Variants in DPEP1 observed in about 807,000 individuals in gnomAD.
DPEP1 encodes the protein beta-lactamase.
A neutral mutation model predicts 42.3 loss-of-function variants in DPEP1; 50 were observed. The observed-to-expected ratio is 1.18, with a 90% CI of 0.94 to 1.50. DPEP1 has a LOEUF of 1.50. Ranked by LOEUF, DPEP1 falls within the 40% of genes most tolerant of loss-of-function variation. The pLI is 0.00. For missense variants in DPEP1, 663 were observed against 553.0 expected (o/e 1.20, Z -1.99); for synonymous variants, 297 against 234.0 (o/e 1.27, Z -2.46).
intron 1 of DPEP1, among the ~76,000 whole-genome samples, chr16:89,617,616 G>T (rs1296628863): frequency 5.9e-5 from 9 of 152,108 alleles, no homozygotes; most frequent in African/African-American, 1.7e-4. Context: ...GGGAGGCCGG[G>T]CGCGGCGGCT....
chr16:89,636,296 G>T lies in DPEP1; in HGVS notation c.270G>T (p.Gln90His). 1 of 1,611,696 alleles carries T rather than the reference G, an allele frequency of 6.2e-7. No individual in the cohort carries two copies. Among genetic ancestry groups the T allele is most frequent in the Non-Finnish European group, 8.5e-7 (1 of 1,179,616 alleles). The change falls in exon 4 of 11, where the codon CAG (glutamine) becomes CAT (histidine). Residue 90 changes from glutamine to histidine, a missense_variant. Physicochemically the swap from Gln to His is conservative, Grantham distance 24. Coordinates refer to ENST00000690203, the MANE Select transcript of DPEP1 (RefSeq NM_001389466.1). The stretch of plus-strand genomic sequence containing the variant: ...CCGTGTACACGCCCTGCGACACCCA[G>T]AACAAAGACGCCGTGCGGAGGACGC... ...FWSVYTPCDT[Q>H]NKDAVRRTLE...
Position 89,638,153 on chromosome 16 carries a change from C to A in DPEP1, c.1167C>A (p.Ser389Arg), listed in dbSNP as rs1269336768. The A allele has an allele frequency of 6.2e-7, 1 of 1,609,978 alleles. No individual in the cohort carries two copies. The highest frequency in any genetic ancestry group is 8.5e-7 in the Non-Finnish European group (1 of 1,178,186). ...THYGYSSGAS[S>R]LHRHWGLLLA... Reference sequence around the variant, plus strand: ...ACGGCTACTCCTCTGGGGCTTCCAGCCTCCATCGCCACTGGGGGCTCCTGC... The same window carrying A: ...ACGGCTACTCCTCTGGGGCTTCCAGACTCCATCGCCACTGGGGGCTCCTGC... The change falls in exon 11 of 11, where the codon AGC becomes AGA. Residue 389 changes from serine to arginine, a missense_variant. By Grantham distance (110) the Ser-to-Arg change is moderately radical. Transcript: ENST00000690203.
At chr16:89,616,440 A>AG (rs2059379776) in intron 1 of DPEP1, among the ~76,000 whole-genome samples, 1 of 152,048 alleles carries the variant, frequency 6.6e-6, no homozygotes, top group Admixed American at 6.5e-5. Context: ...CTGTGCCGGG[A>AG]GGGGTCCTTG....
Position 89,622,652 on chromosome 16 carries a change from C to T in DPEP1, c.-106-7653C>T, listed in dbSNP as rs565694350. ...TACAAAAATTAGTCGGGCGTGGTGG[C>T]GGGCACCTGTAGTCCCAGCTACTTG... is the stretch of plus-strand genomic sequence containing the variant. On this transcript the variant is annotated intron_variant, in intron 1 of 10. Coordinates refer to ENST00000690203, the MANE Select transcript of DPEP1 (RefSeq NM_001389466.1). Among the ~76,000 whole-genome samples the T allele has an allele frequency of 1.5e-4, 23 of 151,938 alleles. No homozygotes were observed. The South Asian group carries it at 3.7e-3, about 25-fold the overall frequency.
chr16:89,639,643 C>T (rs147349053), downstream of DPEP1, among the ~76,000 whole-genome samples: 43 of 151,570 alleles, frequency 2.8e-4, 1 homozygote, highest in East Asian at 5.7e-3. Flanking sequence ...ATTCTGTAAA[C>T]ATGGCTAAGG....
rs189337024 is a variant in DPEP1, at chr16:89,623,750, G to C, written c.-106-6555G>C. On this transcript the variant is annotated intron_variant, in intron 1 of 10. Coordinates refer to ENST00000690203, the MANE Select transcript of DPEP1 (RefSeq NM_001389466.1). ...AGGAAGAAAGCCAGGACAGGAGGCA[G>C]AAAGGAAGCTCAGACAGTGCAACCC... 5.3e-5 allele frequency among the ~76,000 whole-genome samples: 8 copies of C among 152,254 alleles called. No homozygotes were observed. The East Asian group carries it at 1.5e-3, about 29-fold the overall frequency.
Position 89,636,538 on chromosome 16 carries a change from C to G in DPEP1, c.376C>G (p.Arg126Gly), listed in dbSNP as rs139374129. Residue 126 changes from arginine (R) to glycine (G), a missense_variant, in exon 5 of 11, where the codon CGG (arginine) becomes GGG (glycine). Transcript: ENST00000690203. ...CACCCTGACTCTCCCCGCAGGCATT[C>G]GGCAGGCCTTCCGGGAAGGGAAGGT... ...FLYVTSSAGI[R>G]QAFREGKVAS... The G allele has an allele frequency of 1.7e-5, 28 of 1,611,986 alleles. No individual in the cohort carries two copies. The highest frequency in any genetic ancestry group is 1.3e-4 in the South Asian group (12 of 91,038).
rs752293853 is a variant in DPEP1, at chr16:89,637,600, C to T, written c.854-32C>T. 2.9e-5 allele frequency: 47 copies of T among 1,612,714 alleles called. No homozygotes were observed. In the South Asian group the frequency reaches 3.8e-4, roughly 13 times the overall value. On this transcript the variant is annotated intron_variant, in intron 8 of 10. Transcript: ENST00000690203. ...AGGGGGCCGAAGGGGGAGGGCCTCA[C>T]TCGGGACCCATACCTGCTGCTCCCT... is the stretch of plus-strand genomic sequence containing the variant.
intron 1 of DPEP1, among the ~76,000 whole-genome samples, chr16:89,619,842 C>CCCCG (rs1555629204): frequency 5.3e-5 from 1 of 18,886 alleles, no homozygotes; most frequent in Non-Finnish European, 1.2e-4. Flanking sequence ...CCCTGCGTCC[C>CCCCG]CTCCCCTCTC....
At chr16:89,623,877 G>A (rs2059475113) in intron 1 of DPEP1, among the ~76,000 whole-genome samples, 1 of 152,106 alleles carries the variant, frequency 6.6e-6, no homozygotes, top group East Asian at 1.9e-4. Context: ...AACGCTCCAG[G>A]GAGTGAAAAA....
chr16:89,622,262 C>A (rs184075029), intron 1 of DPEP1, among the ~76,000 whole-genome samples: 137 of 152,212 alleles, frequency 9.0e-4, no homozygotes, highest in Non-Finnish European at 1.6e-3. Context: ...CTCACTATGG[C>A]CAGGGGAGGG....
rs879195013 is a variant in DPEP1, at chr16:89,635,922, C to T, written c.119C>T (p.Pro40Leu). 1.9e-6 allele frequency: 3 copies of T among 1,606,104 alleles called. No homozygotes were observed. The highest frequency in any genetic ancestry group is 2.2e-5 in the South Asian group (2 of 90,124). ...SPVIDGHNDL[P>L]WQLLDMFNNR... is the part of the protein sequence containing the mutation. ...GCAAACTCCAGGCACAATGACCTCCCCTGGCAGCTGCTGGATATGTTCAAC... is the reference window on the plus strand; with the variant it reads ...GCAAACTCCAGGCACAATGACCTCCTCTGGCAGCTGCTGGATATGTTCAAC... The change falls in exon 3 of 11, where the codon CCC (proline) becomes CTC (leucine). Residue 40 changes from proline to leucine, a missense_variant. Physicochemically the swap from Pro to Leu is moderately conservative, Grantham distance 98. Coordinates refer to ENST00000690203, the MANE Select transcript of DPEP1 (RefSeq NM_001389466.1).
chr16:89,615,825 G>A (rs991957516), intron 1 of DPEP1, among the ~76,000 whole-genome samples: 5 of 152,204 alleles, frequency 3.3e-5, no homozygotes, highest in Admixed American at 2.0e-4. Flanking sequence ...CTGGTGGGGT[G>A]TGAATTGGAG....
At chr16:89,631,054 C>T (rs1048814065) in intron 2 of DPEP1, among the ~76,000 whole-genome samples, 4 of 152,178 alleles carry the variant, frequency 2.6e-5, no homozygotes, top group African/African-American at 7.2e-5. Context: ...GGAGGCCCTG[C>T]GCCCCAATCT....
chr16:89,616,780 CAGGCAGGAAGT>C (rs2059382385), intron 1 of DPEP1: 2 of 271,494 alleles, frequency 7.4e-6, no homozygotes, highest in African/African-American at 4.7e-5. Context: ...GGCCAGGAAG[CAGGCAGGAAGT>C]GGGCAGGAAG....
intron 1 of DPEP1, chr16:89,617,010 C>G: frequency 4.9e-6 from 1 of 203,326 alleles, no homozygotes; most frequent in South Asian, 5.3e-5. Context: ...AGGTCCTGGG[C>G]AGGCCCTGGA....
intron 1 of DPEP1, among the ~76,000 whole-genome samples, chr16:89,624,517 T>C (rs1241505768): frequency 6.7e-6 from 1 of 149,404 alleles, no homozygotes; most frequent in Non-Finnish European, 1.5e-5. Context: ...GGGGCGCTGT[T>C]ACATAGTTTT....
At chr16:89,627,096 C>A (rs2059523687) in intron 1 of DPEP1, among the ~76,000 whole-genome samples, 1 of 148,878 alleles carries the variant, frequency 6.7e-6, no homozygotes, top group South Asian at 2.1e-4. Flanking sequence ...CTTGTCTCTA[C>A]TAAAAAAAAA....
At position 89,637,578 on chromosome 16, in the gene DPEP1, G is replaced by A. The variant is rs377732633; in HGVS notation, c.853+26G>A. ...GTAGGTGGGGTGTGAGCGGCCAAGG[G>A]GGCCGAAGGGGGAGGGCCTCACTCG... On this transcript the variant is annotated intron_variant, in intron 8 of 10. Coordinates refer to ENST00000690203, the MANE Select transcript of DPEP1 (RefSeq NM_001389466.1). The A allele has an allele frequency of 5.0e-6, 8 of 1,612,716 alleles. No individual in the cohort carries two copies. The Admixed American group carries it at 5.0e-5, about 10-fold the overall frequency.
Sources: gnomAD v4.1 joint callset for allele counts (sites outside exome capture counted in the v4.1 genomes callset) on GRCh38, gnomAD v4.1.1 for gene constraint, MANE v1.5 for transcripts, NCBI Gene and HGNC (gene_info 2026-07-23, HGNC 2026-07-21) for gene names.